Variants in PIK3R5 observed in about 807,000 individuals in gnomAD.
PIK3R5 encodes phosphoinositide-3-kinase regulatory subunit 5, also known as phosphoinositide 3-kinase regulatory subunit 5.
Under a neutral mutation model 94.9 loss-of-function variants are expected in PIK3R5, and 32 were observed. The ratio of observed to expected loss-of-function variants is 0.34; its 90% CI spans 0.25 to 0.45. The LOEUF (loss-of-function observed/expected upper bound fraction) is 0.45, where lower values mean the gene tolerates loss of function less well. Among genes scored for constraint, PIK3R5 ranks in the 20% least tolerant of loss-of-function variants. PIK3R5 has a pLI of 1.00. For synonymous variants in PIK3R5, 443 were observed against 479.4 expected (o/e 0.92, Z 0.99); for missense variants, 853 against 1,144.6 (o/e 0.75, Z 3.68).
At chr17:8,883,421 G>C (rs2089730718) in intron 15 of PIK3R5, among the ~76,000 whole-genome samples, 1 of 152,190 alleles carries the variant, frequency 6.6e-6, no homozygotes, top group Non-Finnish European at 1.5e-5. Flanking sequence ...AAGGCTCTTG[G>C]TATGCTGGTC....
Position 8,879,038 on chromosome 17 carries a change from G to A in PIK3R5, c.*1601C>T, listed in dbSNP as rs1006283049. On this transcript the variant is annotated 3_prime_UTR_variant, in exon 19 of 19. Transcript: ENST00000447110. The surrounding 1 kb of genome is among the most constrained non-coding windows in gnomAD (Gnocchi z 4.4). Reference sequence around the variant, plus strand: ...AGCAAAAACATATTGAAGATACATGGCCCGCCACTCTTCTGGAGCTTAGAG... The same window carrying A: ...AGCAAAAACATATTGAAGATACATGACCCGCCACTCTTCTGGAGCTTAGAG... 6.6e-6 allele frequency: 1 copy of A among 152,070 alleles called. No individual in the cohort carries two copies. The highest frequency in any genetic ancestry group is 1.5e-5 in the Non-Finnish European group (1 of 68,004). The allele number at this position is 152,070 out of a possible 1,614,324, so 9.4% of individuals were successfully genotyped here.
chr17:8,886,801 G>T (rs983185131), intron 12 of PIK3R5, among the ~76,000 whole-genome samples, 196 bp from the exon 13 acceptor site: 1 of 152,166 alleles, frequency 6.6e-6, no homozygotes, highest in African/African-American at 2.4e-5. Flanking sequence ...TGGCCTCCAG[G>T]GAGGCTTCTG....
At chr17:8,959,882 T>C (rs2091530249) in intron 1 of PIK3R5, among the ~76,000 whole-genome samples, 1 of 152,162 alleles carries the variant, frequency 6.6e-6, no homozygotes, top group South Asian at 2.1e-4. Context: ...TGGCAAAAAA[T>C]ACGGTGGAGT....
intron 1 of PIK3R5, among the ~76,000 whole-genome samples, chr17:8,954,919 A>G (rs1489530911): frequency 7.0e-6 from 1 of 142,546 alleles, no homozygotes; most frequent in African/African-American, 2.7e-5. Flanking sequence ...TCTGGGCAAC[A>G]GGAGCAAAAC....
At chr17:8,913,151 C>A (rs1275800876) in intron 1 of PIK3R5, among the ~76,000 whole-genome samples, 2 of 152,146 alleles carry the variant, frequency 1.3e-5, no homozygotes, top group East Asian at 1.9e-4. Context: ...AAGTGGGGAC[C>A]CCCCTCCAGG....
rs921099672 is a variant in PIK3R5, at chr17:8,945,622, C to T, written c.-14+19974G>A. ...CAGAAACAACACAAAATGAGAACTC[C>T]TCCCCAGAAAAATAGAAAGTACTTA... On this transcript the variant is annotated intron_variant, in intron 1 of 18. Coordinates refer to ENST00000447110, the MANE Select transcript of PIK3R5 (RefSeq NM_001142633.3). This position sits in a 1 kb window ranked among gnomAD's most constrained non-coding sequence, Gnocchi z 4.0. 1.3e-5 allele frequency among the ~76,000 whole-genome samples: 2 copies of T among 152,164 alleles called. No individual in the cohort carries two copies. Among genetic ancestry groups the T allele is most frequent in the East Asian group, 1.9e-4 (1 of 5,196 alleles).
At chr17:8,943,611 A>T (rs543687078) in intron 1 of PIK3R5, among the ~76,000 whole-genome samples, 1 of 152,238 alleles carries the variant, frequency 6.6e-6, no homozygotes, top group South Asian at 2.1e-4. Flanking sequence ...GTCTCTACTA[A>T]AAAGTACAAA....
intron 4 of PIK3R5, 115 bp from the exon 5 acceptor site, chr17:8,905,030 C>A: frequency 1.8e-6 from 2 of 1,142,728 alleles, no homozygotes; most frequent in Non-Finnish European, 2.5e-6. Flanking sequence ...CATTTCCTGG[C>A]CGCAGCGTGT....
At chr17:8,924,587 C>T (rs889222674) in intron 1 of PIK3R5, among the ~76,000 whole-genome samples, 3 of 152,084 alleles carry the variant, frequency 2.0e-5, no homozygotes, top group African/African-American at 4.8e-5. Flanking sequence ...AGTGATAAAC[C>T]ATTTACCACC....
At chr17:8,894,032 A>T (rs1289327726) in intron 5 of PIK3R5, 1 of 177,470 alleles carries the variant, frequency 5.6e-6, no homozygotes, top group Admixed American at 6.0e-5. Context: ...ATCCAGGGTG[A>T]GAGCCCGTGT....
intron 1 of PIK3R5, among the ~76,000 whole-genome samples, chr17:8,961,988 G>A (rs2091574835): frequency 1.3e-5 from 2 of 152,314 alleles, no homozygotes; most frequent in African/African-American, 4.8e-5. Flanking sequence ...CCAAACAAAA[G>A]CACCTCGTGG....
rs777605833 is a variant in PIK3R5, at chr17:8,886,218, G to A, written c.2128+11C>T. On this transcript the variant is annotated intron_variant, in intron 14 of 18. Transcript: ENST00000447110. ...CGCCTCACCGTCTGTCTCTGCTCAG[G>A]CAGTACCCACCTGACGCCTTGATGG... 2.6e-5 allele frequency: 41 copies of A among 1,602,978 alleles called. No homozygotes were observed. In the Admixed American group the frequency reaches 6.7e-4, roughly 26 times the overall value.
At chr17:8,933,256 T>A (rs1247493837) in intron 1 of PIK3R5, among the ~76,000 whole-genome samples, 1 of 152,200 alleles carries the variant, frequency 6.6e-6, no homozygotes, top group Non-Finnish European at 1.5e-5. Context: ...GTCAAAATTG[T>A]ACAGTTAAAT....
At chr17:8,923,520 C>T (rs2090795976) in intron 1 of PIK3R5, among the ~76,000 whole-genome samples, 1 of 152,170 alleles carries the variant, frequency 6.6e-6, no homozygotes, top group African/African-American at 2.4e-5. Flanking sequence ...TTAGCTTCCC[C>T]ATGCAAGTAA....
Position 8,889,506 on chromosome 17 carries a change from A to G in PIK3R5, c.812-284T>C, listed in dbSNP as rs904727213. On this transcript the variant is annotated intron_variant, in intron 8 of 18. Coordinates refer to ENST00000447110, the MANE Select transcript of PIK3R5 (RefSeq NM_001142633.3). This position sits in a 1 kb window ranked among gnomAD's most constrained non-coding sequence, Gnocchi z 4.1. ...TTTACAATGTGCCCATGGGAGAATA[A>G]TAGTACTAGCCCAGAAGGTTTTTAT... Among the ~76,000 whole-genome samples the G allele has an allele frequency of 3.9e-5, 6 of 152,204 alleles. No individual in the cohort carries two copies. Among genetic ancestry groups the G allele is most frequent in the African/African-American group, 1.4e-4 (6 of 41,446 alleles).
chr17:8,894,568 G>A (rs1025877023), intron 5 of PIK3R5, among the ~76,000 whole-genome samples: 1 of 152,138 alleles, frequency 6.6e-6, no homozygotes. Context: ...TGTCTCCTCT[G>A]ACTTCCAAAT....
rs915201369 is a variant in PIK3R5 at position 8,911,057 on chromosome 17, G to A, written c.103+335C>T. 1.3e-5 allele frequency among the ~76,000 whole-genome samples: 2 copies of A among 152,192 alleles called. No individual in the cohort carries two copies. The highest frequency in any genetic ancestry group is 4.8e-5 in the African/African-American group (2 of 41,444). ...AAACAAACAAACAGGAGAATTCTGG[G>A]GAGAGCTGCCTGTGAATTCCCAGCT... On this transcript the variant is annotated intron_variant, in intron 2 of 18. Coordinates refer to ENST00000447110, the MANE Select transcript of PIK3R5 (RefSeq NM_001142633.3). The surrounding 1 kb of genome is among the most constrained non-coding windows in gnomAD (Gnocchi z 5.3).
chr17:8,913,360 C>A (rs1381628399), intron 1 of PIK3R5, among the ~76,000 whole-genome samples: 1 of 152,196 alleles, frequency 6.6e-6, no homozygotes, highest in African/African-American at 2.4e-5. Flanking sequence ...AAAGACTAAC[C>A]CATTAGGTCC....
chr17:8,948,723 G>A (rs533103902), intron 1 of PIK3R5, among the ~76,000 whole-genome samples: 3 of 152,310 alleles, frequency 2.0e-5, no homozygotes, highest in African/African-American at 4.8e-5. Context: ...GGGAATGTAC[G>A]CTGGTACGAC....
Sources: allele counts gnomAD v4.1 joint callset (sites outside exome capture counted in the v4.1 genomes callset), GRCh38; gene constraint gnomAD v4.1.1; non-coding constraint Gnocchi (gnomAD v3.1); transcripts MANE v1.5; gene names NCBI Gene and HGNC (gene_info 2026-07-23, HGNC 2026-07-21).